STIMATE: variants seen among roughly 807,000 people sequenced by gnomAD.
STIMATE encodes store-operated calcium entry regulator STIMATE.
In STIMATE, 15 loss-of-function variants were observed where a neutral mutation model predicts 36.7. The ratio of observed to expected loss-of-function variants is 0.41; its 90% CI spans 0.27 to 0.63. The LOEUF (loss-of-function observed/expected upper bound fraction) is 0.63. STIMATE is among the 20% of genes least tolerant of loss of function. The pLI is 0.32. For missense variants in STIMATE, 305 were observed against 397.3 expected (o/e 0.77, Z 1.98); for synonymous variants, 163 against 162.3 (o/e 1.00, Z -0.03).
intron 1 of STIMATE, among the ~76,000 whole-genome samples, chr3:52,882,865 G>GGA (rs1701631013): frequency 6.6e-6 from 1 of 152,138 alleles, no homozygotes; most frequent in South Asian, 2.1e-4. Flanking sequence ...GCAGTGCATG[G>GGA]GAGGATGGAG....
chr3:52,842,598 G>T (rs1700815840), intron 7 of STIMATE, among the ~76,000 whole-genome samples: 1 of 152,236 alleles, frequency 6.6e-6, no homozygotes, highest in Admixed American at 6.5e-5. Flanking sequence ...CTGCCCTCCT[G>T]CCCTAGGCAG....
At chr3:52,875,757 G>A (rs1467442514) in intron 1 of STIMATE, among the ~76,000 whole-genome samples, 1 of 152,234 alleles carries the variant, frequency 6.6e-6, no homozygotes, top group East Asian at 1.9e-4. Flanking sequence ...CCCCAGTGCA[G>A]TAGGTTTCAT....
At chr3:52,880,844 T>C (rs984612507) in intron 1 of STIMATE, among the ~76,000 whole-genome samples, 1 of 152,240 alleles carries the variant, frequency 6.6e-6, no homozygotes, top group Non-Finnish European at 1.5e-5. Flanking sequence ...TTCATCTTTG[T>C]TCACCAATCC....
At chr3:52,849,977 G>A (rs986914501) in intron 3 of STIMATE, 64 bp from the exon 4 acceptor site, 4 of 1,564,808 alleles carry the variant, frequency 2.6e-6, no homozygotes, top group Admixed American at 1.8e-5. Context: ...CATGGCTGAT[G>A]CAGGGTGGCC....
At position 52,842,903 on chromosome 3, in the gene STIMATE, T is replaced by C. The variant is rs762615392; in HGVS notation, c.676A>G (p.Lys226Glu). The C allele has an allele frequency of 6.2e-7, 1 of 1,614,218 alleles. No individual in the cohort carries two copies. The highest frequency in any genetic ancestry group is 1.1e-5 in the South Asian group (1 of 91,086). Residue 226 changes from lysine (K) to glutamate (E), a missense_variant, in exon 7 of 8, where the codon AAG becomes GAG. Lys to Glu is a moderately conservative substitution (Grantham distance 56, BLOSUM62 1). This residue lies in a region of STIMATE where 164 missense variants were observed against 257.9 expected (regional missense o/e 0.64). Coordinates refer to ENST00000355083, the MANE Select transcript of STIMATE (RefSeq NM_198563.5). The stretch of plus-strand genomic sequence containing the variant: ...TGGTTGGCTCCCCTTTCTTCTAGCT[T>C]AGCTTTCGTCTTCCCCTTTCTCATG... The part of the protein sequence containing the change: ...FLMRKGKTKA[K>E]LEERGANQDS...
chr3:52,850,858 A>G (rs1406393991), intron 3 of STIMATE, among the ~76,000 whole-genome samples: 1 of 152,106 alleles, frequency 6.6e-6, no homozygotes, highest in Non-Finnish European at 1.5e-5. Flanking sequence ...CCTCCCAAGT[A>G]GCTGGGATTA....
intron 1 of STIMATE, among the ~76,000 whole-genome samples, chr3:52,860,719 A>G (rs1384650968): frequency 1.3e-5 from 2 of 152,192 alleles, no homozygotes; most frequent in Admixed American, 6.5e-5. Flanking sequence ...GAGAGGGGAG[A>G]AGAGGTCAGA....
chr3:52,881,398 A>C (rs1701600224), intron 1 of STIMATE, among the ~76,000 whole-genome samples: 1 of 152,060 alleles, frequency 6.6e-6, no homozygotes, highest in African/African-American at 2.4e-5. Context: ...GAGCCTGTTT[A>C]AACTATCTTC....
chr3:52,883,612 C>T (rs973901305), intron 1 of STIMATE, among the ~76,000 whole-genome samples: 1 of 152,086 alleles, frequency 6.6e-6, no homozygotes, highest in Non-Finnish European at 1.5e-5. Flanking sequence ...CACTAAGGCT[C>T]TGTTCTTTTG....
At chr3:52,842,218 C>T (rs1700810191) in intron 7 of STIMATE, among the ~76,000 whole-genome samples, 1 of 152,242 alleles carries the variant, frequency 6.6e-6, no homozygotes, top group Non-Finnish European at 1.5e-5. Flanking sequence ...GCTGGCCCTG[C>T]ACGCAGATGT....
At chr3:52,872,096 C>A (rs1701417966) in intron 1 of STIMATE, among the ~76,000 whole-genome samples, 1 of 152,146 alleles carries the variant, frequency 6.6e-6, no homozygotes, top group African/African-American at 2.4e-5. Flanking sequence ...CTGCCTCAAC[C>A]ACGGGTGTGC....
At chr3:52,856,836 G>A (rs944104458) in intron 1 of STIMATE, among the ~76,000 whole-genome samples, 18 of 152,230 alleles carry the variant, frequency 1.2e-4, no homozygotes, top group Admixed American at 1.2e-3. Context: ...ACGATGGCCT[G>A]AACAAGAGGA....
intron 1 of STIMATE, among the ~76,000 whole-genome samples, chr3:52,874,757 G>A (rs908870392): frequency 2.0e-5 from 3 of 152,106 alleles, no homozygotes; most frequent in East Asian, 1.9e-4. Flanking sequence ...CACCAGAATC[G>A]CTTGAACCTG....
chr3:52,883,190 T>C (rs1398671682), intron 1 of STIMATE, among the ~76,000 whole-genome samples: 2 of 152,190 alleles, frequency 1.3e-5, no homozygotes, highest in Non-Finnish European at 2.9e-5. Flanking sequence ...CTGCTTTCAT[T>C]TATAAAAGGT....
intron 1 of STIMATE, among the ~76,000 whole-genome samples, chr3:52,884,253 T>G (rs1011785855): frequency 3.3e-5 from 5 of 151,760 alleles, no homozygotes; most frequent in Admixed American, 3.3e-4. Context: ...AAAGTTTTTT[T>G]TTTTTTTTTT....
At chr3:52,887,037 G>A (rs1326874045) in intron 1 of STIMATE, among the ~76,000 whole-genome samples, 1 of 152,174 alleles carries the variant, frequency 6.6e-6, no homozygotes, top group East Asian at 1.9e-4. Context: ...GGAGACTAAA[G>A]CAATGTGGCA....
intron 1 of STIMATE, among the ~76,000 whole-genome samples, chr3:52,857,194 T>C (rs1349332904): frequency 6.6e-6 from 1 of 152,138 alleles, no homozygotes; most frequent in Admixed American, 6.5e-5. Context: ...TACAAAGAAT[T>C]GCAGTTACAA....
At chr3:52,897,260 C>T (rs1454475068) in intron 1 of STIMATE, 31 bp downstream of exon 1, 11 of 1,532,332 alleles carry the variant, frequency 7.2e-6, no homozygotes, top group East Asian at 2.5e-5. Context: ...CCGCGCAGGG[C>T]CTCCGGAGGG....
chr3:52,864,198 T>C (rs2106691097), intron 1 of STIMATE, among the ~76,000 whole-genome samples: 1 of 152,348 alleles, frequency 6.6e-6, no homozygotes, highest in South Asian at 2.1e-4. Context: ...GCAGCAAACT[T>C]CTGCCTGGGC....
Sources: allele counts gnomAD v4.1 joint callset (sites outside exome capture counted in the v4.1 genomes callset), GRCh38; gene constraint gnomAD v4.1.1; regional missense constraint gnomAD v4.1.1; transcripts MANE v1.5; gene names NCBI Gene and HGNC (gene_info 2026-07-23, HGNC 2026-07-21).